The following LRSAM1 variants were observed in gnomAD, a reference collection of about 807,000 sequenced individuals.
LRSAM1 encodes the protein leucine rich repeat and sterile alpha motif containing 1.
A neutral mutation model predicts 118.1 loss-of-function variants in LRSAM1; 96 were observed. That is an observed-to-expected ratio of 0.81 (90% CI 0.69 to 0.96). The LOEUF (loss-of-function observed/expected upper bound fraction) is 0.96, where lower values mean the gene tolerates loss of function less well. LRSAM1 is among the 40% of genes least tolerant of loss of function. The pLI, the probability that LRSAM1 is intolerant of heterozygous loss-of-function variation, is 0.00. For synonymous variants in LRSAM1, 322 were observed against 364.2 expected (o/e 0.88, Z 1.32); for missense variants, 804 against 915.5 (o/e 0.88, Z 1.57).
intron 24 of LRSAM1, among the ~76,000 whole-genome samples, chr9:127,499,540 ATAT>A (rs747457865): frequency 4.7e-5 from 2 of 42,560 alleles, no homozygotes; most frequent in South Asian, 8.4e-4. Flanking sequence ...AAAAAAAAAT[ATAT>A]ATATATATAT....
At chr9:127,452,887 G>A (rs538927179) in intron 2 of LRSAM1, among the ~76,000 whole-genome samples, 1 of 152,154 alleles carries the variant, frequency 6.6e-6, no homozygotes, top group African/African-American at 2.4e-5. Context: ...CACTGTGCAG[G>A]CCCTGGGCAG....
chr9:127,453,239 G>A (rs1333978601), intron 2 of LRSAM1, among the ~76,000 whole-genome samples: 4 of 152,156 alleles, frequency 2.6e-5, no homozygotes, highest in Non-Finnish European at 4.4e-5. Context: ...ATATCACCAC[G>A]CCCAGCTTCT....
At chr9:127,485,671 C>T (rs1480211824) in intron 16 of LRSAM1, 65 bp from the exon 17 acceptor site, 31 of 1,490,218 alleles carry the variant, frequency 2.1e-5, no homozygotes, top group Non-Finnish European at 2.7e-5. Flanking sequence ...TCCCTGCTGC[C>T]TCCCTGCCCA....
chr9:127,459,202 C>A, intron 7 of LRSAM1, 131 bp downstream of exon 7: 1 of 844,672 alleles, frequency 1.2e-6, no homozygotes, highest in Non-Finnish European at 1.9e-6. Context: ...TCCACCCTCC[C>A]CTTGGCCCTT....
intron 23 of LRSAM1, among the ~76,000 whole-genome samples, chr9:127,496,682 A>C (rs1008244788): frequency 1.3e-5 from 2 of 152,190 alleles, no homozygotes; most frequent in Admixed American, 6.5e-5. Context: ...GCCCAAGGTC[A>C]CACAGCAGAG....
chr9:127,496,166 C>T (rs767232209), intron 23 of LRSAM1, 71 bp downstream of exon 23: 32 of 1,589,560 alleles, frequency 2.0e-5, no homozygotes. Context: ...GGGGGTTGAT[C>T]TGCTCCTTGT....
At position 127,495,431 on chromosome 9, in the gene LRSAM1, G is replaced by GGT; in HGVS notation, c.1698+15_1698+16dup. The GGT allele has an allele frequency of 6.2e-7, 1 of 1,611,786 alleles. No homozygotes were observed. The highest frequency in any genetic ancestry group is 1.1e-5 in the South Asian group (1 of 91,014). On this transcript the variant is annotated intron_variant, in intron 22 of 25. Coordinates refer to ENST00000300417, the MANE Select transcript of LRSAM1 (RefSeq NM_001005373.4). ...CTTGAAGCTGCAAGTAAGGACTGCT[G>GGT]GTGCCTGTCCCGGCCAGGGAGCCCT...
chr9:127,457,216 G>A, intron 5 of LRSAM1, 100 bp from the exon 6 acceptor site: 1 of 1,295,386 alleles, frequency 7.7e-7, no homozygotes, highest in Non-Finnish European at 1.1e-6. Context: ...AGAGCAAGAT[G>A]GTGGGGCGTG....
rs1383105190 is a variant in LRSAM1, at chr9:127,487,664, T to G, written c.1260-12T>G. On this transcript the variant is annotated splice_polypyrimidine_tract_variant and intron_variant, in intron 17 of 25. Transcript: ENST00000300417. ...GTTCCAAGAATGAATGAATTTGCTG[T>G]CTTTCTGGCAGCATGGCCGAAATGG... 1 of 1,612,202 alleles carries G rather than the reference T, an allele frequency of 6.2e-7. No homozygotes were observed. The highest frequency in any genetic ancestry group is 1.3e-5 in the African/African-American group (1 of 75,036).
chr9:127,468,531 G>A (rs922719990), intron 10 of LRSAM1, among the ~76,000 whole-genome samples: 11 of 152,168 alleles, frequency 7.2e-5, no homozygotes, highest in Non-Finnish European at 1.3e-4. Context: ...ACATGCCTAT[G>A]ACTTATCATG....
At chr9:127,498,034 G>A (rs1179793666) in intron 24 of LRSAM1, among the ~76,000 whole-genome samples, 1 of 152,246 alleles carries the variant, frequency 6.6e-6, no homozygotes, top group Non-Finnish European at 1.5e-5. Flanking sequence ...GGGAAGAGGT[G>A]AGGGGCCAGA....
chr9:127,498,292 A>AAAC (rs1444956259), intron 24 of LRSAM1, among the ~76,000 whole-genome samples: 2 of 152,180 alleles, frequency 1.3e-5, no homozygotes, highest in Non-Finnish European at 2.9e-5. Flanking sequence ...AAAAGTCATT[A>AAAC]AACTTCTTAG....
At chr9:127,500,056 C>A (rs1009262135) in intron 24 of LRSAM1, among the ~76,000 whole-genome samples, 43 of 151,882 alleles carry the variant, frequency 2.8e-4, no homozygotes, top group African/African-American at 1.0e-3. Flanking sequence ...GCTCACGTTG[C>A]ATGATAGAAA....
intron 10 of LRSAM1, among the ~76,000 whole-genome samples, chr9:127,468,839 A>G (rs1835059007): frequency 6.7e-6 from 1 of 148,808 alleles, no homozygotes; most frequent in South Asian, 2.1e-4. Flanking sequence ...AAAAAAAAAA[A>G]TCAGCCAGGC....
intron 8 of LRSAM1, among the ~76,000 whole-genome samples, chr9:127,461,784 A>G (rs1285593375): frequency 6.6e-6 from 1 of 152,210 alleles, no homozygotes; most frequent in African/African-American, 2.4e-5. Flanking sequence ...TACCCGCAGG[A>G]GCGCTCTGCT....
At chr9:127,457,709 G>T (rs948680550) in intron 6 of LRSAM1, among the ~76,000 whole-genome samples, 4 of 152,188 alleles carry the variant, frequency 2.6e-5, no homozygotes, top group South Asian at 2.1e-4. Context: ...GAGGAGGGAC[G>T]CGCAGGTGAT....
intron 17 of LRSAM1, chr9:127,486,316 G>A (rs969724731): frequency 5.0e-6 from 1 of 200,690 alleles, no homozygotes; most frequent in African/African-American, 2.3e-5. Context: ...GGATGCCCTG[G>A]AAGGATAAGT....
At chr9:127,497,884 C>A (rs988177182) in intron 24 of LRSAM1, among the ~76,000 whole-genome samples, 3 of 152,248 alleles carry the variant, frequency 2.0e-5, no homozygotes, top group Non-Finnish European at 4.4e-5. Flanking sequence ...TGAGGAACCT[C>A]CGGATCCATC....
chr9:127,487,896 G>A (rs1835790279), intron 18 of LRSAM1, 133 bp downstream of exon 18: 2 of 604,632 alleles, frequency 3.3e-6, no homozygotes, highest in South Asian at 1.8e-5. Context: ...CCATAGAGGT[G>A]TACAAGTGAT....
Sources: gnomAD v4.1 joint callset for allele counts (sites outside exome capture counted in the v4.1 genomes callset) on GRCh38, gnomAD v4.1.1 for gene constraint, MANE v1.5 for transcripts, NCBI Gene and HGNC (gene_info 2026-07-23, HGNC 2026-07-21) for gene names.